TASP1: variants seen among roughly 807,000 people sequenced by gnomAD.
The protein encoded by TASP1 is threonine aspartase 1.
Under a neutral mutation model 56.6 loss-of-function variants are expected in TASP1, and 16 were observed. That is an observed-to-expected ratio of 0.28 (90% CI 0.19 to 0.43). The LOEUF is 0.43. Among genes scored for constraint, TASP1 ranks in the 20% least tolerant of loss-of-function variants. The probability of loss-of-function intolerance (pLI) is 1.00; values close to 1 mark genes in which losing one functional copy is unlikely to be tolerated. For synonymous variants in TASP1, 179 were observed against 184.2 expected, an observed-to-expected ratio of 0.97 and a Z score of 0.23; for missense variants, 393 against 511.6, an observed-to-expected ratio of 0.77 and a Z score of 2.24.
At chr20:13,579,661 T>C (rs13037694) in intron 6 of TASP1, among the ~76,000 whole-genome samples, 10,657 of 152,226 alleles carry the variant, frequency 0.07, 425 homozygotes, top group Non-Finnish European at 0.08. Flanking sequence ...TTTCTCACTT[T>C]CAGAGTTATC....
chr20:13,399,116 GT>G (rs2041648567), intron 13 of TASP1, among the ~76,000 whole-genome samples: 1 of 152,026 alleles, frequency 6.6e-6, no homozygotes, highest in African/African-American at 2.4e-5. Context: ...CTTTTCCCTT[GT>G]TTTTTAGGAC....
At chr20:13,281,103 ATTTTT>A in the TASP1 span, among the ~76,000 whole-genome samples, 54 of 152,190 alleles carry the variant, frequency 3.5e-4, no homozygotes, top group Non-Finnish European at 6.9e-4. Flanking sequence ...AGACAAAAAT[ATTTTT>A]TTGCCACATC....
chr20:13,221,784 G>C, the TASP1 span: 2 of 1,448,888 alleles, frequency 1.4e-6, no homozygotes, highest in Non-Finnish European at 1.8e-6. Flanking sequence ...AGGATGGTGC[G>C]CCTGGCGGCC....
chr20:13,295,732 C>T, the TASP1 span, among the ~76,000 whole-genome samples: 1 of 152,230 alleles, frequency 6.6e-6, no homozygotes, highest in Non-Finnish European at 1.5e-5. Context: ...GCAGGCTCAG[C>T]CATGCTGACT....
At chr20:13,326,384 G>A in the TASP1 span, among the ~76,000 whole-genome samples, 1 of 152,058 alleles carries the variant, frequency 6.6e-6, no homozygotes, top group South Asian at 2.1e-4. Context: ...TTCGATTTAA[G>A]TATATGTATA....
the TASP1 span, among the ~76,000 whole-genome samples, chr20:13,122,208 A>G: frequency 6.6e-6 from 1 of 152,228 alleles, no homozygotes; most frequent in Non-Finnish European, 1.5e-5. Context: ...TTTTAAAAGA[A>G]GTGTAAAGCT....
chr20:13,408,930 G>A (rs6033694), intron 13 of TASP1, among the ~76,000 whole-genome samples: 15,827 of 150,890 alleles, frequency 0.1, 1,645 homozygotes, highest in African/African-American at 0.28. Flanking sequence ...AAAGAACTTC[G>A]TCTAGCTTTG....
the TASP1 span, among the ~76,000 whole-genome samples, chr20:13,322,534 G>C: frequency 1.3e-5 from 2 of 152,156 alleles, no homozygotes; most frequent in Non-Finnish European, 2.9e-5. Context: ...CAAAGCTTTT[G>C]CTTTGTTTCT....
At chr20:13,289,796 T>C in the TASP1 span, among the ~76,000 whole-genome samples, 1 of 152,232 alleles carries the variant, frequency 6.6e-6, no homozygotes, top group Non-Finnish European at 1.5e-5. Context: ...ATAGTCTTAC[T>C]GTGTATTTCC....
chr20:13,390,791 G>C (rs748711413), intron 13 of TASP1, among the ~76,000 whole-genome samples: 3 of 152,162 alleles, frequency 2.0e-5, no homozygotes, highest in Non-Finnish European at 4.4e-5. Context: ...GCTCTATTGA[G>C]TATAGTCATT....
chr20:13,217,431 C>A, the TASP1 span, among the ~76,000 whole-genome samples: 1 of 151,830 alleles, frequency 6.6e-6, no homozygotes, highest in African/African-American at 2.4e-5. Context: ...AAAATAAAAA[C>A]AATAAAATCC....
At position 13,558,932 on chromosome 20, in the gene TASP1, G is replaced by A. The variant is rs374777745; in HGVS notation, c.675+76C>T. Reference sequence around the variant, plus strand: ...CATTCTATTTCTACTGAATTGTATCGTCCTAAAGCTTGTATCTAAATGCAG... The same window carrying A: ...CATTCTATTTCTACTGAATTGTATCATCCTAAAGCTTGTATCTAAATGCAG... On this transcript the variant is annotated intron_variant, in intron 8 of 13. Transcript: ENST00000337743. 1.3e-4 allele frequency: 122 copies of A among 905,808 alleles called. No homozygotes were observed. The African/African-American group carries it at 1.5e-3, about 11-fold the overall frequency. 56.1% of individuals were successfully genotyped at this position (905,808 alleles called of 1,614,324 possible). A position where few individuals can be genotyped will look rare whatever the true frequency, so the allele number is the denominator to read the frequency against.
the TASP1 span, among the ~76,000 whole-genome samples, chr20:13,198,431 T>C: frequency 6.6e-4 from 100 of 152,244 alleles, no homozygotes; most frequent in Middle Eastern, 3.4e-3. Flanking sequence ...TAATCTCATC[T>C]TGAGGGCTCC....
chr20:13,125,213 C>A, the TASP1 span, among the ~76,000 whole-genome samples: 1 of 152,162 alleles, frequency 6.6e-6, no homozygotes, highest in African/African-American at 2.4e-5. Context: ...GGGCTTTCAG[C>A]AAGCTTACTT....
At chr20:13,248,135 T>C in the TASP1 span, among the ~76,000 whole-genome samples, 16 of 152,130 alleles carry the variant, frequency 1.1e-4, no homozygotes, top group African/African-American at 3.9e-4. Context: ...GAGACTGAGG[T>C]TGTGGCTGCC....
At chr20:13,208,592 G>A in the TASP1 span, among the ~76,000 whole-genome samples, 1 of 152,188 alleles carries the variant, frequency 6.6e-6, no homozygotes, top group Non-Finnish European at 1.5e-5. Flanking sequence ...TTTGTGACTT[G>A]CTTTAGACAG....
intron 8 of TASP1, among the ~76,000 whole-genome samples, chr20:13,555,165 C>T (rs1301819924): frequency 6.6e-6 from 1 of 152,046 alleles, no homozygotes; most frequent in Non-Finnish European, 1.5e-5. Flanking sequence ...GGGTGGATCA[C>T]CTGAGGTCAG....
At chr20:13,590,791 G>A (rs761735755) in intron 4 of TASP1, among the ~76,000 whole-genome samples, 10 of 151,966 alleles carry the variant, frequency 6.6e-5, no homozygotes, top group Admixed American at 2.0e-4. Context: ...ACTTGAACCC[G>A]GGAGGTGGAG....
At chr20:13,573,800 G>A (rs2046799711) in intron 6 of TASP1, among the ~76,000 whole-genome samples, 1 of 152,184 alleles carries the variant, frequency 6.6e-6, no homozygotes. Context: ...GCATAGGACA[G>A]TAATCCTTGA....
Sources: gnomAD v4.1 joint callset for allele counts (sites outside exome capture counted in the v4.1 genomes callset) on GRCh38, gnomAD v4.1.1 for gene constraint, MANE v1.5 for transcripts, NCBI Gene and HGNC (gene_info 2026-07-23, HGNC 2026-07-21) for gene names.